Variants in LEF1 observed in about 807,000 individuals in gnomAD.
LEF1 encodes lymphoid enhancer-binding factor 1.
LEF1 carries 14 observed loss-of-function variants against 51.2 expected under a neutral mutation model. The observed-to-expected ratio is 0.27, with a 90% CI of 0.18 to 0.43. LEF1 has a LOEUF of 0.43. LEF1 is among the 20% of genes least tolerant of loss of function. The pLI, the probability that LEF1 is intolerant of heterozygous loss-of-function variation, is 1.00. For missense variants in LEF1, 386 were observed against 512.0 expected, an observed-to-expected ratio of 0.75 and a Z score of 2.37; for synonymous variants, 185 against 183.2, an observed-to-expected ratio of 1.01 and a Z score of -0.08.
At chr4:108,118,567 C>A (rs543068723) in intron 3 of LEF1, among the ~76,000 whole-genome samples, 1 of 152,170 alleles carries the variant, frequency 6.6e-6, no homozygotes. Flanking sequence ...TTAGAAAGGC[C>A]TTAGGCCAGG....
intron 3 of LEF1, among the ~76,000 whole-genome samples, chr4:108,140,341 G>C (rs112484810): frequency 6.6e-5 from 10 of 152,254 alleles, no homozygotes; most frequent in African/African-American, 2.4e-4. Context: ...CTCATATGAG[G>C]CCCACTTCAA....
chr4:108,162,186 AC>A (rs1745104642), intron 3 of LEF1, among the ~76,000 whole-genome samples: 1 of 152,178 alleles, frequency 6.6e-6, no homozygotes, highest in Non-Finnish European at 1.5e-5. Flanking sequence ...AATATGAAAT[AC>A]CTATTTCTTA....
chr4:108,165,011 G>C (rs928000100), intron 2 of LEF1, 86 bp downstream of exon 2: 2 of 1,182,504 alleles, frequency 1.7e-6, no homozygotes, highest in African/African-American at 3.0e-5. Flanking sequence ...CCAGTTTCTT[G>C]AACTCAAAAG....
intron 3 of LEF1, among the ~76,000 whole-genome samples, chr4:108,103,403 CA>C (rs1740948214): frequency 6.6e-6 from 1 of 152,150 alleles, no homozygotes; most frequent in Non-Finnish European, 1.5e-5. Context: ...ATCCACAGAA[CA>C]AAGAAACATC....
At position 108,163,695 on chromosome 4, in the gene LEF1, T is replaced by C; in HGVS notation, c.287A>G (p.His96Arg). 6.2e-7 allele frequency: 1 copy of C among 1,613,522 alleles called. No homozygotes were observed. Among genetic ancestry groups the C allele is most frequent in the Middle Eastern group, 1.7e-4 (1 of 6,054 alleles). ...KAREHPDDGK[H>R]PDGGLYNKGP... The stretch of plus-strand genomic sequence containing the variant: ...CTTGTTGTAGAGGCCTCCATCTGGA[T>C]GCTTTCCTGGGAAGATCCAAAGAAC... The change falls in exon 3 of 12, where the codon CAT becomes CGT. Residue 96 changes from histidine (H) to arginine (R), a missense_variant. By Grantham distance (29) the His-to-Arg change is conservative. Coordinates refer to ENST00000265165, the MANE Select transcript of LEF1 (RefSeq NM_016269.5).
chr4:108,163,500 A>C (rs1560834324), intron 3 of LEF1, 68 bp downstream of exon 3: 1 of 1,534,146 alleles, frequency 6.5e-7, no homozygotes, highest in Non-Finnish European at 8.9e-7. Context: ...GGAAAAATAA[A>C]CATTCTGCCA....
chr4:108,082,387 G>A (rs1052688749), intron 5 of LEF1, among the ~76,000 whole-genome samples: 1 of 152,110 alleles, frequency 6.6e-6, no homozygotes, highest in Non-Finnish European at 1.5e-5. Flanking sequence ...TTAAGTTCAA[G>A]CAGTTACTGA....
At chr4:108,102,621 A>G (rs1004642549) in intron 3 of LEF1, among the ~76,000 whole-genome samples, 4 of 152,352 alleles carry the variant, frequency 2.6e-5, no homozygotes, top group South Asian at 4.1e-4. Flanking sequence ...CAGCTGATAC[A>G]GGGACATGAT....
intron 11 of LEF1, among the ~76,000 whole-genome samples, chr4:108,060,613 C>T (rs1672204873): frequency 1.3e-5 from 2 of 152,124 alleles, no homozygotes; most frequent in African/African-American, 4.8e-5. Flanking sequence ...AGACCCCCTC[C>T]ATTTTTCTGT....
At chr4:108,146,667 A>T (rs578064607) in intron 3 of LEF1, among the ~76,000 whole-genome samples, 1 of 152,318 alleles carries the variant, frequency 6.6e-6, no homozygotes, top group Admixed American at 6.5e-5. Flanking sequence ...TGCATTATAT[A>T]CCTATTGGTT....
intron 3 of LEF1, among the ~76,000 whole-genome samples, chr4:108,157,175 TATATACACAC>T (rs1374939598): frequency 9.2e-4 from 53 of 57,522 alleles, no homozygotes; most frequent in African/African-American, 2.6e-3. Flanking sequence ...TCTCTATATA[TATATACACAC>T]ACACACACAC....
At chr4:108,083,606 G>C (rs1739455965) in intron 4 of LEF1, among the ~76,000 whole-genome samples, 160 bp from the exon 5 acceptor site, 1 of 152,204 alleles carries the variant, frequency 6.6e-6, no homozygotes, top group Non-Finnish European at 1.5e-5. Context: ...CTTTTCTCAA[G>C]ATTTCAACAT....
At position 108,167,028 on chromosome 4, in the gene LEF1, C is replaced by A. The variant is rs1419096732; in HGVS notation, c.213+527G>T. Among the ~76,000 whole-genome samples, 1 of 152,142 alleles carries A rather than the reference C, an allele frequency of 6.6e-6. No homozygotes were observed. Among genetic ancestry groups the A allele is most frequent in the Non-Finnish European group, 1.5e-5 (1 of 68,008 alleles). Reference sequence around the variant, plus strand: ...CGGCTCACCGGTGGTAGGGACGGCCCCGCCTGCCCCAGCCCACGCCCGCCT... The same window carrying A: ...CGGCTCACCGGTGGTAGGGACGGCCACGCCTGCCCCAGCCCACGCCCGCCT... On this transcript the variant is annotated intron_variant, in intron 1 of 11. Transcript: ENST00000265165. This position sits in a 1 kb window ranked among gnomAD's most constrained non-coding sequence, Gnocchi z 5.7.
chr4:108,162,235 C>G (rs1745108495), intron 3 of LEF1, among the ~76,000 whole-genome samples: 1 of 152,092 alleles, frequency 6.6e-6, no homozygotes, highest in Non-Finnish European at 1.5e-5. Context: ...GATTAGAACC[C>G]CAAGATCTCC....
At chr4:108,125,719 T>TC (rs1233809068) in intron 3 of LEF1, among the ~76,000 whole-genome samples, 1 of 151,240 alleles carries the variant, frequency 6.6e-6, no homozygotes, top group Non-Finnish European at 1.5e-5. Flanking sequence ...TTGGGATTTT[T>TC]TTTTTTTTTT....
intron 3 of LEF1, among the ~76,000 whole-genome samples, chr4:108,129,902 T>G (rs1019269848): frequency 1.3e-5 from 2 of 152,106 alleles, no homozygotes; most frequent in Non-Finnish European, 2.9e-5. Flanking sequence ...TTTGAACAAT[T>G]TTCTTAGTGT....
chr4:108,105,073 C>A (rs993995177), intron 3 of LEF1, among the ~76,000 whole-genome samples: 2 of 152,044 alleles, frequency 1.3e-5, no homozygotes, highest in Admixed American at 6.6e-5. Flanking sequence ...CATCAATAAC[C>A]TGGAAACGAT....
chr4:108,069,859 G>A (rs1738337599), intron 9 of LEF1, among the ~76,000 whole-genome samples: 1 of 151,672 alleles, frequency 6.6e-6, no homozygotes. Flanking sequence ...TTGAGAGGCT[G>A]AGGCAGAAGA....
chr4:108,113,034 G>A (rs1210028439), intron 3 of LEF1, among the ~76,000 whole-genome samples: 1 of 152,208 alleles, frequency 6.6e-6, no homozygotes, highest in African/African-American at 2.4e-5. Flanking sequence ...GCCTGATGCT[G>A]CCACATCTCT....
Sources: allele counts gnomAD v4.1 joint callset (sites outside exome capture counted in the v4.1 genomes callset), GRCh38; gene constraint gnomAD v4.1.1; non-coding constraint Gnocchi (gnomAD v3.1); transcripts MANE v1.5; gene names NCBI Gene and HGNC (gene_info 2026-07-23, HGNC 2026-07-21).